Variants in EYS observed in about 807,000 individuals in gnomAD.
EYS encodes protein eyes shut homolog.
A neutral mutation model predicts 282.1 loss-of-function variants in EYS; 250 were observed. The ratio of observed to expected loss-of-function variants is 0.89; its 90% CI spans 0.80 to 0.98. EYS has a LOEUF of 0.98. Ranked by LOEUF, EYS falls within the 50% of genes least tolerant of loss-of-function variation. The pLI is 0.00. For synonymous variants in EYS, 1,355 were observed against 1,282.9 expected (o/e 1.06, Z -1.20); for missense variants, 4,016 against 3,709.0 (o/e 1.08, Z -2.15).
At chr6:64,362,320 T>G (rs1403895162) in intron 29 of EYS, among the ~76,000 whole-genome samples, 1 of 151,794 alleles carries the variant, frequency 6.6e-6, no homozygotes, top group Non-Finnish European at 1.5e-5. Context: ...TAGAAATTCA[T>G]AAAATAATGT....
At chr6:65,482,416 G>A (rs377038568) in intron 5 of EYS, among the ~76,000 whole-genome samples, 1 of 152,124 alleles carries the variant, frequency 6.6e-6, no homozygotes, top group Non-Finnish European at 1.5e-5. Flanking sequence ...TCTCTGCATG[G>A]CAGGGGGTTA....
intron 26 of EYS, among the ~76,000 whole-genome samples, chr6:64,559,817 C>T (rs1424373239): frequency 4.6e-5 from 7 of 151,970 alleles, no homozygotes; most frequent in Non-Finnish European, 8.8e-5. Context: ...TAGGTAAACT[C>T]GTGTCACAGG....
At chr6:65,077,538 A>G (rs1365297996) in intron 12 of EYS, among the ~76,000 whole-genome samples, 1 of 152,102 alleles carries the variant, frequency 6.6e-6, no homozygotes, top group Admixed American at 6.6e-5. Context: ...TATAAAACGA[A>G]CATTTTCTGA....
chr6:65,275,102 T>C (rs191273806), intron 12 of EYS, among the ~76,000 whole-genome samples: 179 of 152,288 alleles, frequency 1.2e-3, no homozygotes, highest in South Asian at 2.1e-3. Context: ...CCTTGGGTTG[T>C]ATGATCCAGT....
At chr6:65,063,257 G>A (rs572526124) in intron 12 of EYS, among the ~76,000 whole-genome samples, 17 of 152,018 alleles carry the variant, frequency 1.1e-4, no homozygotes, top group South Asian at 6.2e-4. Context: ...TGTAGAGGTG[G>A]AAGCTATTGC....
At chr6:64,107,008 A>G (rs1173927590) in intron 31 of EYS, among the ~76,000 whole-genome samples, 1 of 151,268 alleles carries the variant, frequency 6.6e-6, no homozygotes, top group Admixed American at 6.6e-5. Context: ...TTGGTCTCTA[A>G]TATTCCTTTT....
chr6:64,369,916 A>G (rs1393672292), intron 29 of EYS, among the ~76,000 whole-genome samples: 1 of 151,632 alleles, frequency 6.6e-6, no homozygotes, highest in African/African-American at 2.4e-5. Context: ...TTATAAGGTC[A>G]TGGAGCTTTA....
Position 64,358,774 on chromosome 6 carries a change from A to C in EYS, c.6078+29916T>G, listed in dbSNP as rs965427288. Among the ~76,000 whole-genome samples, 101 of 151,668 alleles carry C rather than the reference A, an allele frequency of 6.7e-4. 1 individual carries two copies. The highest frequency in any genetic ancestry group is 2.4e-3 in the African/African-American group (98 of 41,366). Reference sequence around the variant, plus strand: ...AATGCCAGAAAATGGAAACTGAAGAAATTCATAGTTGAGAGTAGGCAAAGC... The same window carrying C: ...AATGCCAGAAAATGGAAACTGAAGACATTCATAGTTGAGAGTAGGCAAAGC... On this transcript the variant is annotated intron_variant, in intron 29 of 42. Transcript: ENST00000503581.
chr6:63,963,162 T>C (rs1044775498), intron 35 of EYS, among the ~76,000 whole-genome samples: 5 of 151,722 alleles, frequency 3.3e-5, no homozygotes, highest in East Asian at 3.9e-4. Context: ...TTAGGAGATA[T>C]ACCTAATGTT....
chr6:65,627,445 G>C lies in EYS; in HGVS notation c.-333+12333C>G, dbSNP rs9453348. 5.7e-4 allele frequency among the ~76,000 whole-genome samples: 87 copies of C among 152,268 alleles called. 1 individual carries two copies. Among genetic ancestry groups the C allele is most frequent in the African/African-American group, 2.0e-3 (82 of 41,564 alleles). ...TTTGGCGACACTTGAGGAGCCCTTC[G>C]GCCGCCGCTGCACTGTGGGAGCCCC... On this transcript the variant is annotated intron_variant, in intron 2 of 42. Transcript: ENST00000503581.
chr6:64,836,221 A>G (rs1026209893), intron 19 of EYS, among the ~76,000 whole-genome samples: 1 of 151,086 alleles, frequency 6.6e-6, no homozygotes, highest in South Asian at 2.1e-4. Context: ...GTCTTCAGTC[A>G]TATCATTTTA....
At chr6:65,418,487 A>T (rs1217710069) in intron 5 of EYS, among the ~76,000 whole-genome samples, 1 of 152,126 alleles carries the variant, frequency 6.6e-6, no homozygotes, top group Non-Finnish European at 1.5e-5. Flanking sequence ...CCCATCAATG[A>T]TAGGCTGGAT....
intron 19 of EYS, among the ~76,000 whole-genome samples, chr6:64,853,392 G>C (rs1765947868): frequency 1.3e-5 from 2 of 152,044 alleles, no homozygotes; most frequent in South Asian, 4.1e-4. Flanking sequence ...TTTGTGTCCA[G>C]GGCTTTCTTT....
chr6:64,309,904 G>A (rs921386492), intron 29 of EYS, among the ~76,000 whole-genome samples: 2 of 151,056 alleles, frequency 1.3e-5, no homozygotes, highest in Non-Finnish European at 2.9e-5. Flanking sequence ...GGAGGAGGTT[G>A]CAGTGAACCG....
intron 26 of EYS, among the ~76,000 whole-genome samples, chr6:64,548,901 T>G (rs1261517849): frequency 6.6e-6 from 1 of 152,080 alleles, no homozygotes; most frequent in Non-Finnish European, 1.5e-5. Flanking sequence ...TCCCAACTGT[T>G]GCCCATCTCT....
chr6:65,461,130 C>G (rs1270673334), intron 5 of EYS, among the ~76,000 whole-genome samples: 2 of 152,052 alleles, frequency 1.3e-5, no homozygotes, highest in Non-Finnish European at 2.9e-5. Context: ...GTACTTTCTT[C>G]TGTCATATAA....
At chr6:65,252,268 C>T (rs1436518708) in intron 12 of EYS, among the ~76,000 whole-genome samples, 1 of 151,874 alleles carries the variant, frequency 6.6e-6, no homozygotes, top group Non-Finnish European at 1.5e-5. Flanking sequence ...CTGTGTTGCA[C>T]AGATGTGGAT....
intron 12 of EYS, among the ~76,000 whole-genome samples, chr6:65,102,875 A>AAAAACAAATAATTATTTGTTTTATT (rs1774933274): frequency 6.6e-6 from 1 of 151,454 alleles, no homozygotes; most frequent in Non-Finnish European, 1.5e-5. Context: ...TAATTATTTA[A>AAAAACAAATAATTATTTGTTTTATT]AGGTGACAAC....
chr6:64,796,168 T>A lies in EYS; in HGVS notation c.3443+17210A>T, dbSNP rs1167158314. On this transcript the variant is annotated intron_variant, in intron 22 of 42. Coordinates refer to ENST00000503581, the MANE Select transcript of EYS (RefSeq NM_001142800.2). ...AAATCCAACCTATATCCAACTTACA[T>A]AATTATTTATTCATGTTTGCCCAAT... Among the ~76,000 whole-genome samples the A allele has an allele frequency of 2.6e-5, 4 of 152,206 alleles. No individual in the cohort carries two copies. The East Asian group carries it at 7.7e-4, about 29-fold the overall frequency.
Sources: allele counts gnomAD v4.1 joint callset (sites outside exome capture counted in the v4.1 genomes callset), GRCh38; gene constraint gnomAD v4.1.1; transcripts MANE v1.5; gene names NCBI Gene and HGNC (gene_info 2026-07-23, HGNC 2026-07-21).